The following NUP210 variants were observed in gnomAD, a reference collection of about 807,000 sequenced individuals.
NUP210 encodes nuclear pore membrane glycoprotein 210.
NUP210 carries 151 observed loss-of-function variants against 196.0 expected under a neutral mutation model. The observed-to-expected ratio is 0.77, with a 90% CI of 0.67 to 0.88. NUP210 has a LOEUF of 0.88. Ranked by LOEUF, NUP210 falls within the 40% of genes least tolerant of loss-of-function variation. The pLI is 0.00. For synonymous variants in NUP210, 1,070 were observed against 1,052.7 expected (o/e 1.02, Z -0.32); for missense variants, 2,314 against 2,493.7 (o/e 0.93, Z 1.53).
chr3:13,379,228 C>G lies in NUP210; in HGVS notation c.977-248G>C, dbSNP rs1464652232. Among the ~76,000 whole-genome samples the G allele has an allele frequency of 6.6e-6, 1 of 152,196 alleles. No individual in the cohort carries two copies. Among genetic ancestry groups the G allele is most frequent in the Non-Finnish European group, 1.5e-5 (1 of 68,038 alleles). On this transcript the variant is annotated intron_variant, in intron 7 of 39. Transcript: ENST00000254508. The surrounding 1 kb of genome is among the most constrained non-coding windows in gnomAD (Gnocchi z 4.2). The stretch of plus-strand genomic sequence containing the variant: ...CTGGAGACCGCACAGGACACAACAA[C>G]AAGTCTGGGGCATCAACACTCCATT...
chr3:13,363,895 A>G (rs1159632195), intron 14 of NUP210, among the ~76,000 whole-genome samples: 2 of 152,146 alleles, frequency 1.3e-5, no homozygotes, highest in Admixed American at 6.5e-5. Context: ...GATAATCCAG[A>G]GCCAGGAGGG....
intron 6 of NUP210, among the ~76,000 whole-genome samples, chr3:13,383,937 C>T (rs1042113775): frequency 1.3e-5 from 2 of 152,054 alleles, no homozygotes; most frequent in Admixed American, 1.3e-4. Context: ...ACCACCTCAC[C>T]GCTGCCCTGG....
intron 3 of NUP210, among the ~76,000 whole-genome samples, chr3:13,393,186 T>C (rs946018039): frequency 2.0e-5 from 3 of 152,012 alleles, no homozygotes; most frequent in Admixed American, 2.0e-4. Flanking sequence ...GGTGGGAAGA[T>C]CAAATTGAGA....
rs1697832888 is a variant in NUP210, at chr3:13,348,351, A to G, written c.2835+3528T>C. 2.0e-6 allele frequency: 2 copies of G among 984,530 alleles called. No individual in the cohort carries two copies. The highest frequency in any genetic ancestry group is 1.2e-4 in the Admixed American group (2 of 16,276). 61.0% of individuals were successfully genotyped at this position (984,530 alleles called of 1,614,324 possible). ...GACCTCTAGGAACTCTTGTTCTTGG[A>G]GTAAAGGTCTCCCTCTGGTCACAAG... On this transcript the variant is annotated intron_variant, in intron 20 of 39. Coordinates refer to ENST00000254508, the MANE Select transcript of NUP210 (RefSeq NM_024923.4). The surrounding 1 kb of genome is among the most constrained non-coding windows in gnomAD (Gnocchi z 4.0).
rs987248188 is a variant in NUP210, at chr3:13,358,084, G to T, written c.2328+138C>A. 8 of 710,900 alleles carry T rather than the reference G, an allele frequency of 1.1e-5. No homozygotes were observed. The East Asian group carries it at 2.3e-4, about 20-fold the overall frequency. The allele number at this position is 710,900 out of a possible 1,614,324, so 44.0% of individuals were successfully genotyped here. A position where few individuals can be genotyped will look rare whatever the true frequency, so the allele number is the denominator to read the frequency against. On this transcript the variant is annotated intron_variant, in intron 16 of 39. Coordinates refer to ENST00000254508, the MANE Select transcript of NUP210 (RefSeq NM_024923.4). The stretch of plus-strand genomic sequence containing the variant: ...ACAAATGAAACCAGCGTCCTCACAG[G>T]GCCAGTTGTTGAGACGAAGGAAGTG...
chr3:13,322,077 C>T, intron 35 of NUP210, 116 bp downstream of exon 35: 4 of 1,334,816 alleles, frequency 3.0e-6, no homozygotes, highest in Non-Finnish European at 2.1e-6. Flanking sequence ...GGGCTCCTGA[C>T]AATCTCTGCC....
intron 2 of NUP210, among the ~76,000 whole-genome samples, chr3:13,399,265 CAAAAAAAAAAAA>C (rs35136269): frequency 4.6e-5 from 3 of 65,344 alleles, no homozygotes; most frequent in Middle Eastern, 8.9e-3. Flanking sequence ...GACTCTGTCT[CAAAAAAAAAAAA>C]AAAAAAAAAA....
chr3:13,364,080 G>A (rs1698454370), intron 14 of NUP210, among the ~76,000 whole-genome samples: 1 of 152,152 alleles, frequency 6.6e-6, no homozygotes, highest in Non-Finnish European at 1.5e-5. Flanking sequence ...GGCAGGTCTT[G>A]ATCTCCTCAT....
intron 25 of NUP210, among the ~76,000 whole-genome samples, chr3:13,339,374 G>A (rs1697363751): frequency 6.6e-6 from 1 of 152,206 alleles, no homozygotes; most frequent in Non-Finnish European, 1.5e-5. Flanking sequence ...TCTTCTTACA[G>A]ACCAGGTTTC....
In NUP210 at chr3:13,420,039, C is replaced by G; in HGVS notation, c.167+21G>C. On this transcript the variant is annotated intron_variant, in intron 1 of 39. Coordinates refer to ENST00000254508, the MANE Select transcript of NUP210 (RefSeq NM_024923.4). The surrounding 1 kb of genome is among the most constrained non-coding windows in gnomAD (Gnocchi z 4.8). ...CCCAGCCCGGCCCACGGCGCCCGCC[C>G]GGCCCGGCCGCGCGCCTCACCAGCG... The G allele has an allele frequency of 4.9e-6, 6 of 1,226,592 alleles. No individual in the cohort carries two copies. The highest frequency in any genetic ancestry group is 6.2e-6 in the Non-Finnish European group (6 of 970,436). 76.0% of individuals were successfully genotyped at this position (1,226,592 alleles called of 1,614,324 possible). A position where few individuals can be genotyped will look rare whatever the true frequency, so the allele number is the denominator to read the frequency against.
chr3:13,351,728 G>A, intron 20 of NUP210, 151 bp downstream of exon 20: 3 of 614,896 alleles, frequency 4.9e-6, no homozygotes, highest in Non-Finnish European at 8.8e-6. Flanking sequence ...GAACTCCTGG[G>A]CTCAAGTGAT....
rs377721082 is a variant in NUP210, at chr3:13,319,898, C to T, written c.5248G>A (p.Gly1750Ser). 76 of 1,614,038 alleles carry T rather than the reference C, an allele frequency of 4.7e-5. No homozygotes were observed. The highest frequency in any genetic ancestry group is 1.1e-4 in the South Asian group (10 of 91,082). Residue 1750 changes from glycine (G) to serine (S), a missense_variant, in exon 37 of 40, where the codon GGC (glycine) becomes AGC (serine). Physicochemically the swap from Gly to Ser is moderately conservative, Grantham distance 56. Coordinates refer to ENST00000254508, the MANE Select transcript of NUP210 (RefSeq NM_024923.4). ...CTGCCAGCCGCGGGGTCCAAGACGC[C>T]GACCGTGTATGTGATGAAGCTGGGC... ...GWPSFITYTVGVLDPAAGSQG... is the reference protein window; with the variant it reads ...GWPSFITYTVSVLDPAAGSQG...
intron 16 of NUP210, among the ~76,000 whole-genome samples, chr3:13,356,544 G>C (rs1179773726): frequency 6.6e-6 from 1 of 152,220 alleles, no homozygotes; most frequent in Non-Finnish European, 1.5e-5. Flanking sequence ...TCAGGAGGCT[G>C]AGGCAGGAGA....
chr3:13,343,330 GGTGGGTGGT>G, intron 20 of NUP210, 27 bp from the exon 21 acceptor site: 1 of 1,597,172 alleles, frequency 6.3e-7, no homozygotes, highest in Non-Finnish European at 8.6e-7. Context: ...GAGGTGGAGG[GGTGGGTGGT>G]GGGTTACGCA....
intron 1 of NUP210, among the ~76,000 whole-genome samples, chr3:13,408,536 T>C (rs148481059): frequency 0.024 from 3,665 of 152,270 alleles, 139 homozygotes; most frequent in African/African-American, 0.083. Flanking sequence ...ATGCCTATAA[T>C]CCCAGCACTT....
At chr3:13,407,268 A>T (rs530318205) in intron 1 of NUP210, among the ~76,000 whole-genome samples, 9 of 152,298 alleles carry the variant, frequency 5.9e-5, no homozygotes, top group South Asian at 4.1e-4. Context: ...AAAGGAGAAA[A>T]GCTGGGCGCA....
At chr3:13,325,988 G>A in intron 32 of NUP210, 57 bp from the exon 33 acceptor site, 1 of 1,594,190 alleles carries the variant, frequency 6.3e-7, no homozygotes, top group Non-Finnish European at 8.6e-7. Flanking sequence ...TCCAGTCAAA[G>A]CCCAGCTCAC....
chr3:13,347,139 G>A lies in NUP210; in HGVS notation c.2836-3836C>T, dbSNP rs1048145047. 2 of 985,378 alleles carry A rather than the reference G, an allele frequency of 2.0e-6. No homozygotes were observed. Among genetic ancestry groups the A allele is most frequent in the Non-Finnish European group, 1.2e-6 (1 of 829,920 alleles). The allele number at this position is 985,378 out of a possible 1,614,324, so 61.0% of individuals were successfully genotyped here. ...TGCGCCTCACAGGACCCAGGAGATG[G>A]AGAGAAGCAGCCGCAGCTCATAGGA... On this transcript the variant is annotated intron_variant, in intron 20 of 39. Coordinates refer to ENST00000254508, the MANE Select transcript of NUP210 (RefSeq NM_024923.4). This position sits in a 1 kb window ranked among gnomAD's most constrained non-coding sequence, Gnocchi z 4.7.
At position 13,400,229 on chromosome 3, in the gene NUP210, G is replaced by C. The variant is rs1699789896; in HGVS notation, c.168-368C>G. On this transcript the variant is annotated intron_variant, in intron 1 of 39. Transcript: ENST00000254508. ...AAGCTGCTCAAGGGATCCCATGAGG[G>C]ACACGTTGCACAGGGAGGGGGCACA... 2.0e-5 allele frequency among the ~76,000 whole-genome samples: 3 copies of C among 152,308 alleles called. No individual in the cohort carries two copies. In the South Asian group the frequency reaches 6.2e-4, roughly 32 times the overall value.
Sources: allele counts gnomAD v4.1 joint callset (sites outside exome capture counted in the v4.1 genomes callset), GRCh38; gene constraint gnomAD v4.1.1; non-coding constraint Gnocchi (gnomAD v3.1); transcripts MANE v1.5; gene names NCBI Gene and HGNC (gene_info 2026-07-23, HGNC 2026-07-21).